KHSRP: variants seen among roughly 807,000 people sequenced by gnomAD.
The protein encoded by KHSRP is far upstream element-binding protein 2.
Under a neutral mutation model 94.9 loss-of-function variants are expected in KHSRP, and 13 were observed. The ratio of observed to expected loss-of-function variants is 0.14; its 90% CI spans 0.09 to 0.22. The LOEUF is 0.22. KHSRP is among the 10% of genes least tolerant of loss of function. KHSRP has a pLI of 1.00. For missense variants in KHSRP, 710 were observed against 1,010.0 expected, an observed-to-expected ratio of 0.70 and a Z score of 4.03; for synonymous variants, 495 against 401.4, an observed-to-expected ratio of 1.23 and a Z score of -2.79.
chr19:6,414,472 CCCA>C lies in KHSRP; in HGVS notation c.*549_*551del, dbSNP rs1168664392. 2 of 1,124,196 alleles carry C rather than the reference CCCA, an allele frequency of 1.8e-6. No homozygotes were observed. Among genetic ancestry groups the C allele is most frequent in the Non-Finnish European group, 2.2e-6 (2 of 918,176 alleles). The allele number at this position is 1,124,196 out of a possible 1,614,324, so 69.6% of individuals were successfully genotyped here. On this transcript the variant is annotated 3_prime_UTR_variant, in exon 19 of 19. Coordinates refer to ENST00000600480, the MANE Select transcript of KHSRP (RefSeq NM_001366299.1). ...TGAACAATCCAGAGATCATGGTGTC[CCCA>C]CAACACCCCTGTGAGGTAGGTTGGA...
chr19:6,414,600 C>G lies in KHSRP; in HGVS notation c.*424G>C, dbSNP rs998600466. 29 of 1,012,690 alleles carry G rather than the reference C, an allele frequency of 2.9e-5. No individual in the cohort carries two copies. Among genetic ancestry groups the G allele is most frequent in the Non-Finnish European group, 3.3e-5 (28 of 848,684 alleles). 62.7% of individuals were successfully genotyped at this position (1,012,690 alleles called of 1,614,324 possible). A position where few individuals can be genotyped will look rare whatever the true frequency, so the allele number is the denominator to read the frequency against. ...AGCCCGGCGGGGCAGGGGCCTGGGC[C>G]GCTCCCCGCGTCCCCACCAGTCCCT... On this transcript the variant is annotated 3_prime_UTR_variant, in exon 19 of 19. Coordinates refer to ENST00000600480, the MANE Select transcript of KHSRP (RefSeq NM_001366299.1).
intron 15 of KHSRP, among the ~76,000 whole-genome samples, 154 bp downstream of exon 15, chr19:6,416,144 T>C (rs767837959): frequency 6.6e-6 from 1 of 152,114 alleles, no homozygotes; most frequent in Non-Finnish European, 1.5e-5. Flanking sequence ...GCTCTACCAG[T>C]AGACAGGAGA....
At chr19:6,417,924 C>A in intron 10 of KHSRP, 57 bp downstream of exon 10, 1 of 1,603,162 alleles carries the variant, frequency 6.2e-7, no homozygotes. Context: ...GCCACTCACC[C>A]CGGCCCCTCC....
intron 6 of KHSRP, among the ~76,000 whole-genome samples, chr19:6,419,740 C>T (rs2092183686): frequency 2.6e-5 from 4 of 152,204 alleles, no homozygotes; most frequent in Admixed American, 2.6e-4. Flanking sequence ...AAGGCACCAC[C>T]CTGTCTCACG....
rs770430618 is a variant in KHSRP, at chr19:6,419,200, T to TA, written c.605+2dup. 2.8e-5 allele frequency: 44 copies of TA among 1,580,562 alleles called. No homozygotes were observed. The African/African-American group carries it at 5.1e-4, about 18-fold the overall frequency. On this transcript the variant is annotated splice_region_variant and intron_variant, in intron 7 of 18. Transcript: ENST00000600480. ...CACAATGAGAGGCCCTGTGGGGACT[T>TA]ACTGGACAGATTCTGGGGCTCCTGT...
intron 13 of KHSRP, 26 bp from the exon 14 acceptor site, chr19:6,416,676 G>T (rs746624703): frequency 4.3e-6 from 7 of 1,613,520 alleles, no homozygotes; most frequent in Non-Finnish European, 5.1e-6. Context: ...AGGTGAAGGT[G>T]GCCTGCAGTG....
At position 6,414,093 on chromosome 19, in the gene KHSRP, A is replaced by T. The variant is rs376723443; in HGVS notation, c.*931T>A. On this transcript the variant is annotated 3_prime_UTR_variant, in exon 19 of 19. Transcript: ENST00000600480. ...AAAAAAAGATTTTTCACAGATGAAGAAGTTCACATTCATTCGATTCATTGA... is the reference window on the plus strand; with the variant it reads ...AAAAAAAGATTTTTCACAGATGAAGTAGTTCACATTCATTCGATTCATTGA... 4.0e-5 allele frequency: 64 copies of T among 1,609,732 alleles called. 1 individual carries two copies. The Middle Eastern group carries it at 8.3e-4, about 21-fold the overall frequency.
chr19:6,420,178 GATGA>G (rs1442121799), intron 5 of KHSRP, 34 bp from the exon 6 acceptor site: 1 of 1,579,882 alleles, frequency 6.3e-7, no homozygotes, highest in Non-Finnish European at 8.7e-7. Context: ...AGCAAAGCGT[GATGA>G]GGGAAGGGAG....
At chr19:6,417,170 G>T in intron 11 of KHSRP, 83 bp from the exon 12 acceptor site, 1 of 1,060,484 alleles carries the variant, frequency 9.4e-7, no homozygotes. Flanking sequence ...CTCCAGCGCA[G>T]ACACCACGCC....
rs1261248285 is a variant in KHSRP at position 6,424,573 on chromosome 19, G to A, written c.129C>T (p.Gly43=). ...CGCCCGGGCCGCCGCCGCCGGGACC[G>A]CCGCCGCCCCGGTCCCCCGCGCCTG... is the stretch of plus-strand genomic sequence containing the variant. ...GPPGAGDRGG[G]GPGGGGPGGG... is the part of the protein sequence containing the mutation. The change falls in exon 1 of 19, where the codon GGC becomes GGT. Residue 43 remains glycine (G), a synonymous_variant. Transcript: ENST00000600480. 14 of 941,884 alleles carry A rather than the reference G, an allele frequency of 1.5e-5. No individual in the cohort carries two copies. The highest frequency in any genetic ancestry group is 2.7e-4 in the East Asian group (2 of 7,356). 58.3% of individuals were successfully genotyped at this position (941,884 alleles called of 1,614,324 possible).
rs368636864 is a variant in KHSRP, at chr19:6,418,600, C to G, written c.781-19G>C. 1.0e-4 allele frequency: 169 copies of G among 1,613,304 alleles called. No homozygotes were observed. The highest frequency in any genetic ancestry group is 1.6e-4 in the Middle Eastern group (1 of 6,082). ...CGCGTTCCTTTACAAGCAAGGTTAA[C>G]CGTTAGTGCTGGGCTCTCCCAGGAC... On this transcript the variant is annotated intron_variant, in intron 8 of 18. Coordinates refer to ENST00000600480, the MANE Select transcript of KHSRP (RefSeq NM_001366299.1). The surrounding 1 kb of genome is among the most constrained non-coding windows in gnomAD (Gnocchi z 4.3).
rs1239764314 is a variant in KHSRP, at chr19:6,424,741, A to G, written c.-40T>C. The G allele has an allele frequency of 1.1e-6, 1 of 944,988 alleles. No homozygotes were observed. 58.5% of individuals were successfully genotyped at this position (944,988 alleles called of 1,614,324 possible). The stretch of plus-strand genomic sequence containing the variant: ...GGGCCTGGCGCGGAGGCTGAAGCTG[A>G]GGAGGCGGCGGCGGCGGCGGCGGCT... On this transcript the variant is annotated 5_prime_UTR_variant, in exon 1 of 19. Coordinates refer to ENST00000600480, the MANE Select transcript of KHSRP (RefSeq NM_001366299.1).
Position 6,413,784 on chromosome 19 carries a change from T to G in KHSRP, c.*1240A>C, listed in dbSNP as rs916754712. On this transcript the variant is annotated 3_prime_UTR_variant, in exon 19 of 19. Transcript: ENST00000600480. ...ACTTTTTAATATATATATATATAATTTTATAAGTTCTGCTTTGCTCTTTGT... is the reference window on the plus strand; with the variant it reads ...ACTTTTTAATATATATATATATAATGTTATAAGTTCTGCTTTGCTCTTTGT... 1.3e-5 allele frequency: 2 copies of G among 154,414 alleles called. No homozygotes were observed. Among genetic ancestry groups the G allele is most frequent in the African/African-American group, 4.8e-5 (2 of 41,258 alleles). The allele number at this position is 154,414 out of a possible 1,614,324, so 9.6% of individuals were successfully genotyped here.
chr19:6,417,138 C>T (rs1249334255), intron 11 of KHSRP, 51 bp from the exon 12 acceptor site: 12 of 1,452,128 alleles, frequency 8.3e-6, no homozygotes, highest in Non-Finnish European at 1.1e-5. Context: ...GAAGAGCCCA[C>T]CCCAGAGCCC....
In KHSRP at chr19:6,414,459, A is replaced by G; in HGVS notation, c.*565T>C. Reference sequence around the variant, plus strand: ...CAGCACGACGACATGAACAATCCAGAGATCATGGTGTCCCCACAACACCCC... The same window carrying G: ...CAGCACGACGACATGAACAATCCAGGGATCATGGTGTCCCCACAACACCCC... On this transcript the variant is annotated 3_prime_UTR_variant, in exon 19 of 19. Coordinates refer to ENST00000600480, the MANE Select transcript of KHSRP (RefSeq NM_001366299.1). The G allele has an allele frequency of 8.5e-7, 1 of 1,172,416 alleles. No individual in the cohort carries two copies. The highest frequency in any genetic ancestry group is 1.1e-6 in the Non-Finnish European group (1 of 947,162). The allele number at this position is 1,172,416 out of a possible 1,614,324, so 72.6% of individuals were successfully genotyped here.
chr19:6,417,157 C>G (rs144637034), intron 11 of KHSRP, 70 bp from the exon 12 acceptor site: 2 of 1,212,184 alleles, frequency 1.6e-6, no homozygotes, highest in South Asian at 1.4e-5. Flanking sequence ...CCTGCAACGC[C>G]GCCTCCAGCG....
chr19:6,419,382 G>C (rs1213913594), intron 6 of KHSRP, 122 bp from the exon 7 acceptor site: 3 of 840,210 alleles, frequency 3.6e-6, no homozygotes, highest in Non-Finnish European at 5.4e-6. Flanking sequence ...GTGCCTGACA[G>C]ATCAGTTTAC....
At chr19:6,420,589 G>A (rs1163084124) in intron 4 of KHSRP, 118 bp from the exon 5 acceptor site, 5 of 894,160 alleles carry the variant, frequency 5.6e-6, no homozygotes, top group African/African-American at 4.9e-5. Context: ...GACCACACAG[G>A]CCACAAAACT....
intron 12 of KHSRP, 36 bp downstream of exon 12, chr19:6,416,951 G>A (rs1326594980): frequency 1.9e-6 from 3 of 1,613,182 alleles, no homozygotes; most frequent in Non-Finnish European, 2.5e-6. Flanking sequence ...TCCCCTGGAG[G>A]CCCTGCCAGC....
Sources: gnomAD v4.1 joint callset for allele counts (sites outside exome capture counted in the v4.1 genomes callset) on GRCh38, gnomAD v4.1.1 for gene constraint, Gnocchi (gnomAD v3.1) non-coding constraint, MANE v1.5 for transcripts, NCBI Gene and HGNC (gene_info 2026-07-23, HGNC 2026-07-21) for gene names.